SULT1C3: variants seen among roughly 807,000 people sequenced by gnomAD.
The protein encoded by SULT1C3 is sulfotransferase family 1C member 3.
A neutral mutation model predicts 28.4 loss-of-function variants in SULT1C3; 31 were observed. That is an observed-to-expected ratio of 1.09 (90% confidence interval 0.82 to 1.47). The LOEUF is 1.47. Among genes scored for constraint, SULT1C3 ranks in the 40% most tolerant of loss-of-function variants. The pLI is 0.00. For synonymous variants in SULT1C3, 106 were observed against 92.2 expected, an observed-to-expected ratio of 1.15 and a Z score of -0.86; for missense variants, 307 against 272.5, an observed-to-expected ratio of 1.13 and a Z score of -0.89.
chr2:108,265,245 C>G, downstream of SULT1C3: 1 of 1,613,490 alleles, frequency 6.2e-7, no homozygotes, highest in Non-Finnish European at 8.5e-7. Flanking sequence ...TCAGGGATGC[C>G]TGGAGACTGG....
At position 108,253,866 on chromosome 2, in the gene SULT1C3, A is replaced by G. The variant is rs17035904; in HGVS notation, c.399+424A>G. ...GCTTCCACACCTCCATAATCTACTC[A>G]ATAAACTAAGCTCAAACCTGTCCTC... On this transcript the variant is annotated intron_variant, in intron 4 of 7. Coordinates refer to ENST00000681802, the MANE Select transcript of SULT1C3 (RefSeq NM_001320878.2). Among the ~76,000 whole-genome samples the G allele has an allele frequency of 9.2e-3, 1,403 of 152,112 alleles. 19 individuals carry two copies. Among genetic ancestry groups the G allele is most frequent in the African/African-American group, 0.032 (1,325 of 41,522 alleles).
intron 1 of SULT1C3, among the ~76,000 whole-genome samples, 152 bp downstream of exon 1, chr2:108,240,235 G>A (rs879358611): frequency 7.9e-5 from 12 of 152,280 alleles, no homozygotes; most frequent in East Asian, 5.8e-4. Context: ...CAGGTAAGTC[G>A]TGAACTGAAT....
intron 3 of SULT1C3, among the ~76,000 whole-genome samples, chr2:108,252,951 T>C (rs191162028): frequency 6.6e-6 from 1 of 151,726 alleles, no homozygotes; most frequent in Non-Finnish European, 1.5e-5. Context: ...GTGAATAACA[T>C]GAAATAAAGA....
downstream of SULT1C3, among the ~76,000 whole-genome samples, chr2:108,262,637 T>C (rs766229621): frequency 3.9e-5 from 6 of 152,212 alleles, no homozygotes; most frequent in Non-Finnish European, 7.3e-5. Flanking sequence ...ACAGAGTTGC[T>C]GGTCATTTCT....
At chr2:108,261,830 C>T (rs538094735), downstream of SULT1C3, among the ~76,000 whole-genome samples, 24 of 152,184 alleles carry the variant, frequency 1.6e-4, 1 homozygote, top group South Asian at 3.5e-3. Context: ...GCTATTGTTA[C>T]GCCAGGCAAA....
chr2:108,247,190 T>A lies in SULT1C3; in HGVS notation c.-5T>A. The A allele has an allele frequency of 6.6e-7, 1 of 1,510,866 alleles. No individual in the cohort carries two copies. The highest frequency in any genetic ancestry group is 8.9e-7 in the Non-Finnish European group (1 of 1,127,702). 93.6% of individuals were successfully genotyped at this position (1,510,866 alleles called of 1,614,324 possible). On this transcript the variant is annotated splice_region_variant and 5_prime_UTR_variant, in exon 2 of 8. Transcript: ENST00000681802. Reference sequence around the variant, plus strand: ...AGTATTGATCTTACCCATCCCAGATTCCCAATGGCGAAGATTGAGAAAAAC... The same window carrying A: ...AGTATTGATCTTACCCATCCCAGATACCCAATGGCGAAGATTGAGAAAAAC...
At chr2:108,243,793 C>G (rs1675522812) in intron 1 of SULT1C3, among the ~76,000 whole-genome samples, 1 of 152,176 alleles carries the variant, frequency 6.6e-6, no homozygotes, top group Non-Finnish European at 1.5e-5. Context: ...ATTTTGTAAA[C>G]TCTACCCTTG....
rs753480643 is a variant in SULT1C3, at chr2:108,255,639, C to T, written c.467C>T (p.Ser156Phe). 6.2e-7 allele frequency: 1 copy of T among 1,611,646 alleles called. No individual in the cohort carries two copies. The highest frequency in any genetic ancestry group is 8.5e-7 in the Non-Finnish European group (1 of 1,178,490). Residue 156 changes from serine (S) to phenylalanine (F), a missense_variant, in exon 5 of 8, where the codon TCC becomes TTC. Physicochemically the swap from Ser to Phe is radical, Grantham distance 155 (BLOSUM62 -2). Coordinates refer to ENST00000681802, the MANE Select transcript of SULT1C3 (RefSeq NM_001320878.2). ...TACTACCACTTTCACAGGATGGCTTCCTTTATGCCTGATCCTCAGAACTTA... is the reference window on the plus strand; with the variant it reads ...TACTACCACTTTCACAGGATGGCTTTCTTTATGCCTGATCCTCAGAACTTA... ...VSYYHFHRMA[S>F]FMPDPQNLEE...
At chr2:108,241,648 C>T (rs1012655304) in intron 1 of SULT1C3, among the ~76,000 whole-genome samples, 1 of 152,156 alleles carries the variant, frequency 6.6e-6, no homozygotes, top group Non-Finnish European at 1.5e-5. Context: ...ATGACTGGGA[C>T]AGGTCGTGGT....
intron 1 of SULT1C3, among the ~76,000 whole-genome samples, chr2:108,246,284 T>C (rs149172824): frequency 6.1e-4 from 93 of 152,302 alleles, no homozygotes; most frequent in African/African-American, 2.1e-3. Context: ...GTATCTGCAG[T>C]AGCACCCCAC....
At chr2:108,264,854 G>A (rs1459492156), downstream of SULT1C3, 2 of 1,613,002 alleles carry the variant, frequency 1.2e-6, no homozygotes, top group Non-Finnish European at 1.7e-6. Context: ...AGAAGATACT[G>A]AAGTTCCTGG....
chr2:108,262,674 T>C (rs1573228727), downstream of SULT1C3, among the ~76,000 whole-genome samples: 1 of 152,202 alleles, frequency 6.6e-6, no homozygotes, highest in East Asian at 1.9e-4. Context: ...CTGCTCTTCA[T>C]CTTCTAGAGG....
chr2:108,263,676 A>C (rs1000887649), downstream of SULT1C3, among the ~76,000 whole-genome samples: 1 of 152,172 alleles, frequency 6.6e-6, no homozygotes, highest in African/African-American at 2.4e-5. Flanking sequence ...GGGCTTTAAG[A>C]AAGCACAACT....
downstream of SULT1C3, among the ~76,000 whole-genome samples, chr2:108,263,047 C>T (rs1343327277): frequency 6.6e-6 from 1 of 152,112 alleles, no homozygotes; most frequent in African/African-American, 2.4e-5. Context: ...GAAGACCTTC[C>T]TCTGGTGCCT....
chr2:108,247,341 T>C lies in SULT1C3; in HGVS notation c.147T>C (p.Leu49=). ...ATTTCCAAGCCAAGCCTGATGATCT[T>C]ATTCTGGCAACTTACCCAAAGTCAG... The part of the protein sequence containing the change: ...VCNFQAKPDD[L]ILATYPKSGT... Residue 49 remains leucine (L), a synonymous_variant, in exon 2 of 8, where the codon CTT becomes CTC. Coordinates refer to ENST00000681802, the MANE Select transcript of SULT1C3 (RefSeq NM_001320878.2). 1 of 1,553,620 alleles carries C rather than the reference T, an allele frequency of 6.4e-7. No homozygotes were observed. Among genetic ancestry groups the C allele is most frequent in the Non-Finnish European group, 8.7e-7 (1 of 1,150,616 alleles).
In SULT1C3 at chr2:108,258,784, G is replaced by C. The variant is rs140068346; in HGVS notation, c.577G>C (p.Asp193His). ...DHVKGWWAAKDMHRILYLFYE... is the reference protein window; with the variant it reads ...DHVKGWWAAKHMHRILYLFYE... Reference sequence around the variant, plus strand: ...TGTGAAAGGATGGTGGGCTGCAAAAGACATGCACCGGATCCTCTACCTCTT... The same window carrying C: ...TGTGAAAGGATGGTGGGCTGCAAAACACATGCACCGGATCCTCTACCTCTT... Residue 193 changes from aspartate (D) to histidine (H), a missense_variant, in exon 6 of 8, where the codon GAC becomes CAC. Transcript: ENST00000681802. 47 of 1,612,890 alleles carry C rather than the reference G, an allele frequency of 2.9e-5. No individual in the cohort carries two copies. Among genetic ancestry groups the C allele is most frequent in the Non-Finnish European group, 3.3e-5 (39 of 1,179,412 alleles).
rs1041911865 is a variant in SULT1C3 at position 108,252,306 on chromosome 2, A to G, written c.173-59A>G. On this transcript the variant is annotated intron_variant, in intron 2 of 7. Transcript: ENST00000681802. ...TTGCTGTCTTTCTTCAAAATATTCA[A>G]TAACTTAGAATGAAAGTTCAATTGA... 12 of 1,503,996 alleles carry G rather than the reference A, an allele frequency of 8.0e-6. No homozygotes were observed. In the Admixed American group the frequency reaches 1.2e-4, roughly 16 times the overall value. The allele number at this position is 1,503,996 out of a possible 1,614,324, so 93.2% of individuals were successfully genotyped here. A position where few individuals can be genotyped will look rare whatever the true frequency, so the allele number is the denominator to read the frequency against.
intron 4 of SULT1C3, among the ~76,000 whole-genome samples, chr2:108,255,204 C>A (rs1675837624): frequency 1.3e-5 from 2 of 152,040 alleles, no homozygotes; most frequent in Non-Finnish European, 1.5e-5. Context: ...CTCACCATTT[C>A]ATGGCCCATT....
intron 7 of SULT1C3, among the ~76,000 whole-genome samples, chr2:108,260,271 G>A (rs1675988129): frequency 6.6e-6 from 1 of 152,154 alleles, no homozygotes; most frequent in African/African-American, 2.4e-5. Context: ...TAGACTTTGG[G>A]TTGGGTACAC....
Sources: allele counts gnomAD v4.1 joint callset (sites outside exome capture counted in the v4.1 genomes callset), GRCh38; gene constraint gnomAD v4.1.1; transcripts MANE v1.5; gene names NCBI Gene and HGNC (gene_info 2026-07-23, HGNC 2026-07-21).